The following NTN1 variants were observed in gnomAD, a reference collection of about 807,000 sequenced individuals.
NTN1 encodes the protein netrin-1.
In NTN1, 11 loss-of-function variants were observed where a neutral mutation model predicts 54.2. The observed-to-expected ratio is 0.20, with a 90% confidence interval of 0.13 to 0.34. The LOEUF (loss-of-function observed/expected upper bound fraction) is 0.34. Ranked by LOEUF, NTN1 falls within the 10% of genes least tolerant of loss-of-function variation. The probability of loss-of-function intolerance (pLI) is 1.00; values close to 1 mark genes in which losing one functional copy is unlikely to be tolerated. For missense variants in NTN1, 740 were observed against 893.1 expected (o/e 0.83, Z 2.18); for synonymous variants, 371 against 382.0 (o/e 0.97, Z 0.33).
intron 5 of NTN1, among the ~76,000 whole-genome samples, chr17:9,193,445 A>G (rs549290632): frequency 1.3e-5 from 2 of 152,324 alleles, no homozygotes; most frequent in African/African-American, 4.8e-5. Flanking sequence ...ACGTTATGAC[A>G]TTTCAGCCCT....
At chr17:9,145,074 G>T (rs2092309662) in intron 2 of NTN1, among the ~76,000 whole-genome samples, 1 of 152,232 alleles carries the variant, frequency 6.6e-6, no homozygotes, top group Non-Finnish European at 1.5e-5. Context: ...CCCAGCTGAG[G>T]CAGGCGCATG....
chr17:9,045,922 A>G (rs1449876855), intron 2 of NTN1, among the ~76,000 whole-genome samples: 3 of 152,264 alleles, frequency 2.0e-5, no homozygotes, highest in Admixed American at 2.0e-4. Context: ...AAACAACTGT[A>G]TGCTACTAAA....
chr17:9,225,584 C>A (rs1210515975), intron 6 of NTN1, among the ~76,000 whole-genome samples: 1 of 152,212 alleles, frequency 6.6e-6, no homozygotes, highest in Non-Finnish European at 1.5e-5. Context: ...CCCCTGGCCC[C>A]CCTGAGAAGG....
intron 4 of NTN1, among the ~76,000 whole-genome samples, chr17:9,180,243 T>C (rs2092414755): frequency 6.6e-6 from 1 of 152,268 alleles, no homozygotes. Context: ...TTCGCTGTGT[T>C]GGCCAGGCTG....
chr17:9,088,352 G>A (rs907486263), intron 2 of NTN1, among the ~76,000 whole-genome samples: 6 of 152,288 alleles, frequency 3.9e-5, no homozygotes, highest in East Asian at 3.9e-4. Flanking sequence ...GGAGTTCTGG[G>A]TTCTGGGTGT....
At chr17:9,069,418 C>T (rs1004337575) in intron 2 of NTN1, among the ~76,000 whole-genome samples, 5 of 152,138 alleles carry the variant, frequency 3.3e-5, no homozygotes, top group Non-Finnish European at 5.9e-5. Flanking sequence ...GAAGAATGAA[C>T]ATTTTCTCAT....
intron 2 of NTN1, among the ~76,000 whole-genome samples, chr17:9,132,165 C>T (rs2092267798): frequency 6.6e-6 from 1 of 152,096 alleles, no homozygotes; most frequent in South Asian, 2.1e-4. Context: ...CTCATCCAGT[C>T]CCTCGTCACC....
intron 3 of NTN1, among the ~76,000 whole-genome samples, chr17:9,164,154 A>C (rs564028097): frequency 1.3e-5 from 2 of 152,378 alleles, no homozygotes; most frequent in African/African-American, 4.8e-5. Context: ...GCCCAGTGCA[A>C]AATGAAAATA....
chr17:9,033,827 G>A (rs2091894899), intron 2 of NTN1, among the ~76,000 whole-genome samples: 1 of 147,416 alleles, frequency 6.8e-6, no homozygotes, highest in African/African-American at 2.5e-5. Flanking sequence ...TGAGGCAGGA[G>A]AATTACTTGA....
chr17:9,139,359 A>T (rs1442993158), intron 2 of NTN1, among the ~76,000 whole-genome samples: 1 of 152,204 alleles, frequency 6.6e-6, no homozygotes, highest in African/African-American at 2.4e-5. Context: ...AGACCCTAAC[A>T]GGAAGTCATA....
chr17:9,158,731 G>A (rs902473706), intron 2 of NTN1, among the ~76,000 whole-genome samples: 38 of 152,180 alleles, frequency 2.5e-4, no homozygotes, highest in African/African-American at 8.7e-4. Flanking sequence ...TCCAAAGAGA[G>A]TGAGTGTGTG....
intron 2 of NTN1, among the ~76,000 whole-genome samples, chr17:9,085,769 G>A (rs964467156): frequency 6.6e-6 from 1 of 152,174 alleles, no homozygotes; most frequent in Admixed American, 6.5e-5. Context: ...CAGCCAATCA[G>A]CGAATAGGTT....
At chr17:9,015,796 C>T in the NTN1 span, among the ~76,000 whole-genome samples, 27 of 152,202 alleles carry the variant, frequency 1.8e-4, no homozygotes, top group South Asian at 4.2e-4. Flanking sequence ...CCGGGCCGAG[C>T]GTGGTGGCTC....
chr17:9,053,400 A>C (rs142672648), intron 2 of NTN1, among the ~76,000 whole-genome samples: 78 of 152,352 alleles, frequency 5.1e-4, no homozygotes, highest in African/African-American at 1.9e-3. Context: ...GCTCTGGACT[A>C]ATGATTACTT....
At chr17:9,201,837 C>G (rs1358254006) in intron 5 of NTN1, among the ~76,000 whole-genome samples, 1 of 151,580 alleles carries the variant, frequency 6.6e-6, no homozygotes, top group Admixed American at 6.6e-5. Flanking sequence ...AAATATGGAG[C>G]AGCAGTTAGA....
chr17:9,091,683 C>T lies in NTN1; in HGVS notation c.1018+68292C>T, dbSNP rs151036222. ...GGTCAGGCTGGTCTCGAACTCCCGA[C>T]CTCAGGTGATCTGCCTGCCTCGGCC... On this transcript the variant is annotated intron_variant, in intron 2 of 6. Coordinates refer to ENST00000173229, the MANE Select transcript of NTN1 (RefSeq NM_004822.3). Among the ~76,000 whole-genome samples the T allele has an allele frequency of 5.7e-3, 866 of 151,854 alleles. 6 individuals carry two copies. The highest frequency in any genetic ancestry group is 0.02 in the African/African-American group (834 of 41,362).
At chr17:9,054,328 G>T (rs905269677) in intron 2 of NTN1, among the ~76,000 whole-genome samples, 1 of 152,326 alleles carries the variant, frequency 6.6e-6, no homozygotes, top group East Asian at 1.9e-4. Flanking sequence ...CCTGCCCGAG[G>T]CATGGAAACA....
At chr17:9,028,647 C>A (rs1049216075) in intron 2 of NTN1, among the ~76,000 whole-genome samples, 1 of 152,192 alleles carries the variant, frequency 6.6e-6, no homozygotes, top group Admixed American at 6.5e-5. Context: ...TGGAAGGAAT[C>A]CCCTCGTTTT....
intron 2 of NTN1, among the ~76,000 whole-genome samples, chr17:9,080,473 T>A (rs1008499775): frequency 1.7e-4 from 26 of 152,246 alleles, no homozygotes; most frequent in African/African-American, 6.3e-4. Context: ...CTTAGAACAT[T>A]TGAAATCTCA....
Sources: gnomAD v4.1 joint callset for allele counts (sites outside exome capture counted in the v4.1 genomes callset) on GRCh38, gnomAD v4.1.1 for gene constraint, MANE v1.5 for transcripts, NCBI Gene and HGNC (gene_info 2026-07-23, HGNC 2026-07-21) for gene names.